Variants in ANK3 observed in about 807,000 individuals in gnomAD.
ANK3 encodes the protein ankyrin-3.
In ANK3, 57 loss-of-function variants were observed where a neutral mutation model predicts 370.9. That is an observed-to-expected ratio of 0.15 (90% CI 0.12 to 0.19). ANK3 has a LOEUF of 0.19. Ranked by LOEUF, ANK3 falls within the 10% of genes least tolerant of loss-of-function variation. The probability of loss-of-function intolerance (pLI) is 1.00; values close to 1 mark genes in which losing one functional copy is unlikely to be tolerated. For synonymous variants in ANK3, 1,929 were observed against 1,946.3 expected (o/e 0.99, Z 0.23); for missense variants, 4,439 against 5,302.1 (o/e 0.84, Z 5.06).
In ANK3 at chr10:60,558,520, G is replaced by A. The variant is rs559112202; in HGVS notation, c.96+56666C>T. ...AGACAACTAACCAAGACTTTGAACC[G>A]CTCAGTGCATAGTTCTCTCTTATAT... On this transcript the variant is annotated intron_variant, in intron 2 of 43. Transcript: ENST00000373827. Among the ~76,000 whole-genome samples, 10 of 152,214 alleles carry A rather than the reference G, an allele frequency of 6.6e-5. 1 individual carries two copies. In the South Asian group the frequency reaches 1.2e-3, roughly 19 times the overall value.
chr10:60,310,070 T>A (rs1462699427), intron 1 of ANK3, among the ~76,000 whole-genome samples: 1 of 151,914 alleles, frequency 6.6e-6, no homozygotes, highest in East Asian at 1.9e-4. Context: ...GGAGTACAGT[T>A]ATGTGCCACT....
At chr10:60,384,158 A>G (rs570204178) in intron 1 of ANK3, among the ~76,000 whole-genome samples, 3 of 152,220 alleles carry the variant, frequency 2.0e-5, no homozygotes, top group Non-Finnish European at 2.9e-5. Context: ...GGAAGAAAAA[A>G]GAATAACCCA....
At chr10:60,532,867 T>C (rs887704495) in intron 2 of ANK3, among the ~76,000 whole-genome samples, 1 of 151,930 alleles carries the variant, frequency 6.6e-6, no homozygotes, top group Non-Finnish European at 1.5e-5. Context: ...TGCTGGGAAA[T>C]GTTGGGCAGG....
At chr10:60,612,554 C>T (rs191750886) in intron 2 of ANK3, among the ~76,000 whole-genome samples, 22,786 of 152,100 alleles carry the variant, frequency 0.15, 2,155 homozygotes, top group South Asian at 0.27. Flanking sequence ...TGCAGTGGCG[C>T]GATCTCGGCT....
At chr10:60,232,958 TAGA>T (rs1423968395) in intron 8 of ANK3, among the ~76,000 whole-genome samples, 2 of 152,238 alleles carry the variant, frequency 1.3e-5, no homozygotes, top group African/African-American at 2.4e-5. Context: ...TCAGAATTTT[TAGA>T]AGAAGGAAGC....
In ANK3 at chr10:60,069,028, T is replaced by C; in HGVS notation, c.11853A>G (p.Pro3951=). 1 of 1,614,094 alleles carries C rather than the reference T, an allele frequency of 6.2e-7. No individual in the cohort carries two copies. The highest frequency in any genetic ancestry group is 8.5e-7 in the Non-Finnish European group (1 of 1,179,986). Residue 3951 remains proline, a synonymous_variant, in exon 37 of 44, where the codon CCA becomes CCG. Transcript: ENST00000280772. ...GKAKQLPSKL[P]VKVRSTCVTT... ...TGACACAGGTGGATCTTACCTTTACTGGCAACTTGGATGGAAGCTGTTTGG... is the reference window on the plus strand; with the variant it reads ...TGACACAGGTGGATCTTACCTTTACCGGCAACTTGGATGGAAGCTGTTTGG...
chr10:60,030,667 C>G (rs2073258045), intron 43 of ANK3, among the ~76,000 whole-genome samples: 1 of 152,184 alleles, frequency 6.6e-6, no homozygotes, highest in Admixed American at 6.5e-5. Flanking sequence ...TCAGATCATG[C>G]CTCATTACCC....
At chr10:60,293,980 C>T (rs1179992284) in intron 1 of ANK3, among the ~76,000 whole-genome samples, 1 of 152,218 alleles carries the variant, frequency 6.6e-6, no homozygotes, top group Non-Finnish European at 1.5e-5. Context: ...ACAAGGATTT[C>T]AGGCCTTCAT....
At chr10:60,141,561 G>GTTTTTTGTTT (rs2094558144) in intron 23 of ANK3, among the ~76,000 whole-genome samples, 1 of 49,044 alleles carries the variant, frequency 2.0e-5, no homozygotes, top group African/African-American at 9.3e-5. Flanking sequence ...TTCAATTGCT[G>GTTTTTTGTTT]TTTTTTTTTT....
At chr10:60,621,126 T>G (rs1357770866) in intron 1 of ANK3, among the ~76,000 whole-genome samples, 1 of 152,174 alleles carries the variant, frequency 6.6e-6, no homozygotes, top group Admixed American at 6.6e-5. Flanking sequence ...AGAAAAGCAA[T>G]TCGGTCAAAT....
chr10:60,638,497 C>T (rs532787429), intron 1 of ANK3, among the ~76,000 whole-genome samples: 38 of 151,838 alleles, frequency 2.5e-4, no homozygotes, highest in African/African-American at 8.5e-4. Flanking sequence ...AATCTTAATG[C>T]CTGATACCTA....
chr10:60,032,194 C>CTTTTTTTTT (rs552219776), intron 43 of ANK3, among the ~76,000 whole-genome samples: 917 of 43,092 alleles, frequency 0.021, 218 homozygotes, highest in African/African-American at 0.028. Context: ...TACACAGCTT[C>CTTTTTTTTT]TTTTTTTTTT....
intron 2 of ANK3, among the ~76,000 whole-genome samples, chr10:60,502,408 G>A (rs2075823938): frequency 6.6e-6 from 1 of 152,214 alleles, no homozygotes; most frequent in South Asian, 2.1e-4. Context: ...TAGATCTTCC[G>A]TGTTCTAACA....
chr10:60,306,587 C>G (rs1288850412), intron 1 of ANK3, among the ~76,000 whole-genome samples: 1 of 151,908 alleles, frequency 6.6e-6, no homozygotes, highest in African/African-American at 2.4e-5. Context: ...TGGGTAGATA[C>G]CCAGTAGTGG....
At chr10:60,251,975 C>T (rs903367026) in intron 7 of ANK3, among the ~76,000 whole-genome samples, 3 of 152,176 alleles carry the variant, frequency 2.0e-5, no homozygotes, top group African/African-American at 7.2e-5. Context: ...GAGCTGATCC[C>T]CATTTCTATA....
chr10:60,162,159 G>A (rs2095516220), intron 23 of ANK3, among the ~76,000 whole-genome samples: 1 of 151,828 alleles, frequency 6.6e-6, no homozygotes, highest in South Asian at 2.1e-4. Flanking sequence ...ATGCATTCTT[G>A]GGTTCTATAT....
intron 2 of ANK3, chr10:60,572,632 C>T (rs2077627049): frequency 1.2e-5 from 18 of 1,480,298 alleles, no homozygotes; most frequent in Non-Finnish European, 1.6e-5. Context: ...AGTCCATTTA[C>T]GGGTGCTCCC....
At position 60,073,291 on chromosome 10, in the gene ANK3, C is replaced by T; in HGVS notation, c.7590G>A (p.Val2530=). The stretch of plus-strand genomic sequence containing the variant: ...CTTTATCAAAATGCTCATCTTTAGA[C>T]ACTTTACCTACACCATTTTCAGAAA... ...KDVSENGVGK[V]SKDEHFDKVT... The change falls in exon 37 of 44, where the codon GTG becomes GTA. Residue 2530 remains valine (V), a synonymous_variant. Coordinates refer to ENST00000280772, the MANE Select transcript of ANK3 (RefSeq NM_020987.5). 1 of 1,614,080 alleles carries T rather than the reference C, an allele frequency of 6.2e-7. No individual in the cohort carries two copies. Among genetic ancestry groups the T allele is most frequent in the Non-Finnish European group, 8.5e-7 (1 of 1,180,008 alleles).
chr10:60,149,762 G>A (rs551123080), intron 23 of ANK3, among the ~76,000 whole-genome samples: 2 of 152,380 alleles, frequency 1.3e-5, no homozygotes, highest in South Asian at 4.1e-4. Flanking sequence ...AGGCTGGTGT[G>A]CAGTGGTACG....
Sources: gnomAD v4.1 joint callset for allele counts (sites outside exome capture counted in the v4.1 genomes callset) on GRCh38, gnomAD v4.1.1 for gene constraint, MANE v1.5 for transcripts, NCBI Gene and HGNC (gene_info 2026-07-23, HGNC 2026-07-21) for gene names.